CDH10: variants seen among roughly 807,000 people sequenced by gnomAD.
CDH10 encodes the protein cadherin-10.
CDH10 carries 30 observed loss-of-function variants against 73.1 expected under a neutral mutation model. The ratio of observed to expected loss-of-function variants is 0.41; its 90% CI spans 0.31 to 0.56. CDH10 has a LOEUF of 0.56. Ranked by LOEUF, CDH10 falls within the 20% of genes least tolerant of loss-of-function variation. The pLI, the probability that CDH10 is intolerant of heterozygous loss-of-function variation, is 0.27. For missense variants in CDH10, 815 were observed against 973.7 expected (o/e 0.84, Z 2.17); for synonymous variants, 345 against 348.2 (o/e 0.99, Z 0.10).
intron 1 of CDH10, among the ~76,000 whole-genome samples, chr5:24,597,042 G>A (rs1351143827): frequency 1.3e-5 from 2 of 151,896 alleles, no homozygotes; most frequent in Non-Finnish European, 2.9e-5. Flanking sequence ...TATAATTTCA[G>A]TCCCAGTTAA....
At chr5:24,503,801 C>A (rs1239022891) in intron 8 of CDH10, among the ~76,000 whole-genome samples, 4 of 151,690 alleles carry the variant, frequency 2.6e-5, no homozygotes, top group Non-Finnish European at 5.9e-5. Context: ...AAAATAAATT[C>A]TTTTTTTTAG....
intron 2 of CDH10, among the ~76,000 whole-genome samples, chr5:24,550,574 C>A (rs1463908464): frequency 6.6e-6 from 1 of 151,992 alleles, no homozygotes; most frequent in Non-Finnish European, 1.5e-5. Flanking sequence ...CTATCTTTTT[C>A]TCCCTTTCTT....
intron 1 of CDH10, among the ~76,000 whole-genome samples, chr5:24,640,502 A>G (rs1041135854): frequency 1.3e-5 from 2 of 151,470 alleles, no homozygotes; most frequent in African/African-American, 4.8e-5. Context: ...ATCACATCAT[A>G]TAGAGTATGT....
At chr5:24,498,085 G>A (rs1204864069) in intron 9 of CDH10, among the ~76,000 whole-genome samples, 2 of 152,096 alleles carry the variant, frequency 1.3e-5, no homozygotes, top group African/African-American at 4.8e-5. Flanking sequence ...GACACAGCAG[G>A]CGGTCTTAGG....
At chr5:24,626,129 G>A (rs1269494884) in intron 1 of CDH10, among the ~76,000 whole-genome samples, 6 of 152,010 alleles carry the variant, frequency 3.9e-5, no homozygotes, top group African/African-American at 1.4e-4. Flanking sequence ...CAAAACCAAT[G>A]GCCATTCAAA....
chr5:24,642,901 C>T (rs1748100188), intron 1 of CDH10, among the ~76,000 whole-genome samples: 1 of 150,228 alleles, frequency 6.7e-6, no homozygotes, highest in South Asian at 2.1e-4. Flanking sequence ...TCAATTTGTT[C>T]ACAGCAAGTA....
chr5:24,505,047 A>T (rs2111724330), intron 8 of CDH10, 65 bp downstream of exon 8: 1 of 1,105,738 alleles, frequency 9.0e-7, no homozygotes, highest in South Asian at 1.4e-5. Flanking sequence ...AATATGTTAA[A>T]CTGCATAAAA....
chr5:24,502,212 G>A (rs1019507567), intron 8 of CDH10, among the ~76,000 whole-genome samples: 4 of 152,106 alleles, frequency 2.6e-5, no homozygotes, highest in African/African-American at 7.2e-5. Context: ...GTGAGCCACC[G>A]CGCCTGGCTC....
intron 7 of CDH10, among the ~76,000 whole-genome samples, chr5:24,507,753 C>G (rs1352399780): frequency 6.6e-6 from 1 of 151,430 alleles, no homozygotes; most frequent in Non-Finnish European, 1.5e-5. Flanking sequence ...TTATATAAAA[C>G]TTTCAAAGGA....
chr5:24,517,684 T>TA (rs900624094), intron 5 of CDH10, among the ~76,000 whole-genome samples: 2 of 151,968 alleles, frequency 1.3e-5, no homozygotes, highest in Non-Finnish European at 2.9e-5. Flanking sequence ...ATGAAGGTAG[T>TA]AAAAAAAACT....
At chr5:24,577,734 T>C (rs2112044168) in intron 2 of CDH10, among the ~76,000 whole-genome samples, 1 of 152,308 alleles carries the variant, frequency 6.6e-6, no homozygotes, top group Non-Finnish European at 1.5e-5. Flanking sequence ...ATCTAAGCTG[T>C]CACCTTGTTC....
rs201738748 is a variant in CDH10, at chr5:24,498,499, G to A, written c.1414C>T (p.Arg472Cys). ...AEINNPKETT[R>C]VAVFVRILDV... ...AAAATTCTCACAAAAACAGCCACGC[G>A]TGTTGTCTCTTTGGGATTGTCTGGA... The change falls in exon 9 of 12, where the codon CGC (arginine) becomes TGC (cysteine). Residue 472 changes from arginine (R) to cysteine (C), a missense_variant. Arg to Cys is a radical substitution (Grantham distance 180, BLOSUM62 -3). This residue lies in a region of CDH10 where 516 missense variants were observed against 636.6 expected (regional missense o/e 0.81). Transcript: ENST00000264463. The A allele has an allele frequency of 2.6e-5, 42 of 1,599,362 alleles. No homozygotes were observed. In the East Asian group the frequency reaches 3.8e-4, roughly 14 times the overall value.
At chr5:24,576,230 C>A (rs1358709171) in intron 2 of CDH10, among the ~76,000 whole-genome samples, 1 of 152,074 alleles carries the variant, frequency 6.6e-6, no homozygotes, top group Non-Finnish European at 1.5e-5. Flanking sequence ...GTGACAATAG[C>A]AATTAAGGTG....
At chr5:24,603,275 G>T (rs1746632818) in intron 1 of CDH10, among the ~76,000 whole-genome samples, 1 of 151,966 alleles carries the variant, frequency 6.6e-6, no homozygotes, top group Admixed American at 6.6e-5. Context: ...ATCCAAACAG[G>T]TACTATATAT....
intron 2 of CDH10, among the ~76,000 whole-genome samples, chr5:24,579,667 A>G (rs577351062): frequency 6.6e-6 from 1 of 152,248 alleles, no homozygotes; most frequent in East Asian, 1.9e-4. Flanking sequence ...CAAGGTTGAC[A>G]CATTCTCTTC....
At chr5:24,589,490 A>AT (rs34964738) in intron 2 of CDH10, among the ~76,000 whole-genome samples, 13,506 of 145,882 alleles carry the variant, frequency 0.093, 1,213 homozygotes, top group African/African-American at 0.23. Context: ...TATGTTACTG[A>AT]TTTTTTTTTT....
chr5:24,503,997 T>G (rs2111717050), intron 8 of CDH10, among the ~76,000 whole-genome samples: 1 of 152,280 alleles, frequency 6.6e-6, no homozygotes, highest in East Asian at 1.9e-4. Context: ...AAATTTAATG[T>G]TTTTAATTTT....
intron 2 of CDH10, among the ~76,000 whole-genome samples, chr5:24,548,976 T>C (rs907812912): frequency 2.0e-5 from 3 of 151,992 alleles, no homozygotes; most frequent in African/African-American, 4.8e-5. Context: ...TAGATAATAA[T>C]TGAGATAAAA....
chr5:24,622,880 A>T (rs1747364105), intron 1 of CDH10, among the ~76,000 whole-genome samples: 1 of 152,230 alleles, frequency 6.6e-6, no homozygotes, highest in Non-Finnish European at 1.5e-5. Context: ...GTAAATTTTT[A>T]AAAAGTTAGA....
Sources: allele counts gnomAD v4.1 joint callset (sites outside exome capture counted in the v4.1 genomes callset), GRCh38; gene constraint gnomAD v4.1.1; regional missense constraint gnomAD v4.1.1; transcripts MANE v1.5; gene names NCBI Gene and HGNC (gene_info 2026-07-23, HGNC 2026-07-21).